Variants in NDST4 observed in about 807,000 individuals in gnomAD.
The protein encoded by NDST4 is N-deacetylase and N-sulfotransferase 4, also known as N-heparan sulfate sulfotransferase 4.
A neutral mutation model predicts 100.8 loss-of-function variants in NDST4; 63 were observed. The ratio of observed to expected loss-of-function variants is 0.62; its 90% CI spans 0.51 to 0.77. The LOEUF is 0.77. NDST4 is among the 30% of genes least tolerant of loss of function. NDST4 has a pLI of 0.00. For missense variants in NDST4, 943 were observed against 1,018.4 expected (o/e 0.93, Z 1.01); for synonymous variants, 377 against 361.8 (o/e 1.04, Z -0.48).
At chr4:114,954,380 T>C (rs1442869038) in intron 4 of NDST4, among the ~76,000 whole-genome samples, 1 of 152,130 alleles carries the variant, frequency 6.6e-6, no homozygotes, top group Non-Finnish European at 1.5e-5. Context: ...ATATCTATCA[T>C]GAGGCTTAAA....
At chr4:115,030,320 A>G (rs563277371) in intron 2 of NDST4, among the ~76,000 whole-genome samples, 92 of 152,264 alleles carry the variant, frequency 6.0e-4, no homozygotes, top group Non-Finnish European at 1.1e-3. Flanking sequence ...ATTTGAATGT[A>G]TATTATAATT....
intron 4 of NDST4, among the ~76,000 whole-genome samples, chr4:114,957,686 G>A (rs1260595205): frequency 6.6e-6 from 1 of 152,130 alleles, no homozygotes; most frequent in East Asian, 1.9e-4. Flanking sequence ...ATCTATGACG[G>A]TAAAATCAAA....
At chr4:115,098,303 T>C (rs1304364279) in intron 1 of NDST4, among the ~76,000 whole-genome samples, 3 of 152,280 alleles carry the variant, frequency 2.0e-5, no homozygotes, top group Non-Finnish European at 2.9e-5. Context: ...TTGTTTAAAA[T>C]TGGACAACTA....
chr4:115,001,209 C>T (rs888393242), intron 2 of NDST4, among the ~76,000 whole-genome samples: 21 of 151,954 alleles, frequency 1.4e-4, no homozygotes, highest in African/African-American at 4.8e-4. Flanking sequence ...CTGGTAATAG[C>T]ACCTTGGTTT....
intron 10 of NDST4, among the ~76,000 whole-genome samples, chr4:114,840,619 C>A (rs1723404899): frequency 6.6e-6 from 1 of 152,074 alleles, no homozygotes; most frequent in South Asian, 2.1e-4. Flanking sequence ...ACAAAACCAC[C>A]AAACACATAT....
chr4:114,836,350 C>A (rs551239747), intron 11 of NDST4, among the ~76,000 whole-genome samples: 71 of 152,246 alleles, frequency 4.7e-4, no homozygotes, highest in South Asian at 6.2e-4. Flanking sequence ...GTAAATAATT[C>A]TATTTCTCTT....
At chr4:114,866,968 T>C (rs1005500698) in intron 7 of NDST4, among the ~76,000 whole-genome samples, 32 of 152,162 alleles carry the variant, frequency 2.1e-4, no homozygotes, top group African/African-American at 7.5e-4. Flanking sequence ...GATAATAGTA[T>C]ACTTGCTTTT....
chr4:114,986,788 TTATACA>T (rs1452360831), intron 2 of NDST4, among the ~76,000 whole-genome samples: 10 of 65,982 alleles, frequency 1.5e-4, no homozygotes, highest in African/African-American at 6.5e-4. Context: ...TGGTATCCAA[TTATACA>T]TATATATATA....
intron 2 of NDST4, among the ~76,000 whole-genome samples, chr4:115,012,747 T>TA (rs11435788): frequency 0.87 from 131,810 of 151,916 alleles, 57,655 homozygotes; most frequent in African/African-American, 0.91. Flanking sequence ...CTCTCATGTT[T>TA]TTGCAACATT....
chr4:114,994,666 A>G (rs901230757), intron 2 of NDST4, among the ~76,000 whole-genome samples: 2 of 151,970 alleles, frequency 1.3e-5, no homozygotes, highest in Non-Finnish European at 2.9e-5. Flanking sequence ...TAGTTACCGA[A>G]CCATTGTATA....
rs574523924 is a variant in NDST4 at position 115,021,525 on chromosome 4, A to G, written c.979-44251T>C. Among the ~76,000 whole-genome samples, 378 of 121,076 alleles carry G rather than the reference A, an allele frequency of 3.1e-3. 1 individual carries two copies. The highest frequency in any genetic ancestry group is 0.012 in the African/African-American group (360 of 29,894). The allele number at this position is 121,076 out of a possible 152,430, so 79.4% of individuals were successfully genotyped here. ...CGTTCCACATATACACATTCCATAT[A>G]TACACACGTTCCACATATACACATT... On this transcript the variant is annotated intron_variant, in intron 2 of 13. Coordinates refer to ENST00000264363, the MANE Select transcript of NDST4 (RefSeq NM_022569.3).
intron 2 of NDST4, among the ~76,000 whole-genome samples, chr4:114,996,326 A>T (rs1727161315): frequency 6.6e-6 from 1 of 151,996 alleles, no homozygotes; most frequent in East Asian, 1.9e-4. Flanking sequence ...CCACGACTGT[A>T]AGTTTCCTGA....
intron 2 of NDST4, among the ~76,000 whole-genome samples, chr4:114,986,830 A>ATATATATATATTTATT (rs1553959396): frequency 2.4e-4 from 22 of 91,960 alleles, no homozygotes; most frequent in African/African-American, 9.0e-4. Flanking sequence ...ATATATATAT[A>ATATATATATATTTATT]TATTTTAATA....
At chr4:114,979,441 G>T (rs1406528007) in intron 2 of NDST4, among the ~76,000 whole-genome samples, 1 of 150,082 alleles carries the variant, frequency 6.7e-6, no homozygotes, top group African/African-American at 2.4e-5. Flanking sequence ...AATGAGTAAG[G>T]TTTGATGTAT....
chr4:114,928,860 T>C (rs189270263), intron 6 of NDST4, among the ~76,000 whole-genome samples: 3 of 152,270 alleles, frequency 2.0e-5, no homozygotes, highest in East Asian at 1.9e-4. Flanking sequence ...TTGGCTTTCA[T>C]TGGGTCTTGA....
At chr4:114,993,664 T>C (rs1727098813) in intron 2 of NDST4, among the ~76,000 whole-genome samples, 1 of 151,970 alleles carries the variant, frequency 6.6e-6, no homozygotes, top group African/African-American at 2.4e-5. Flanking sequence ...CAACTGCTCA[T>C]CTAGGTGTTG....
chr4:115,075,477 A>G (rs1271160053), intron 2 of NDST4, among the ~76,000 whole-genome samples: 1 of 152,088 alleles, frequency 6.6e-6, no homozygotes, highest in Non-Finnish European at 1.5e-5. Flanking sequence ...TCTAGCTGGG[A>G]TGGGAAAGAC....
intron 7 of NDST4, among the ~76,000 whole-genome samples, chr4:114,856,826 A>C (rs1723806214): frequency 6.6e-6 from 1 of 152,250 alleles, no homozygotes; most frequent in East Asian, 1.9e-4. Context: ...ACAAAGTTTT[A>C]GGAGCCTGCC....
At chr4:115,102,801 C>A (rs544957780) in intron 1 of NDST4, among the ~76,000 whole-genome samples, 1 of 150,230 alleles carries the variant, frequency 6.7e-6, no homozygotes, top group African/African-American at 2.5e-5. Context: ...CTCCACCTCC[C>A]GGGTTCAAGC....
Sources: gnomAD v4.1 joint callset for allele counts (sites outside exome capture counted in the v4.1 genomes callset) on GRCh38, gnomAD v4.1.1 for gene constraint, MANE v1.5 for transcripts, NCBI Gene and HGNC (gene_info 2026-07-23, HGNC 2026-07-21) for gene names.